The following ATG7 variants were observed in gnomAD, a reference collection of about 807,000 sequenced individuals.
ATG7 encodes autophagy related 7, also known as ubiquitin-like modifier-activating enzyme ATG7.
Under a neutral mutation model 82.4 loss-of-function variants are expected in ATG7, and 70 were observed. The ratio of observed to expected loss-of-function variants is 0.85; its 90% CI spans 0.70 to 1.04. The LOEUF (loss-of-function observed/expected upper bound fraction) is 1.04, where lower values mean the gene tolerates loss of function less well. ATG7 is among the 50% of genes least tolerant of loss of function. ATG7 has a pLI of 0.00. For missense variants in ATG7, 792 were observed against 864.3 expected (o/e 0.92, Z 1.05); for synonymous variants, 287 against 313.0 (o/e 0.92, Z 0.88).
chr3:11,541,455 GC>G (rs1653163767), intron 20 of ATG7, among the ~76,000 whole-genome samples: 2 of 152,304 alleles, frequency 1.3e-5, no homozygotes, highest in African/African-American at 4.8e-5. Flanking sequence ...GCTGCCTGAA[GC>G]TTTATAGAGT....
downstream of ATG7, chr3:11,559,385 G>A (rs928517313): frequency 2.6e-5 from 41 of 1,557,570 alleles, no homozygotes; most frequent in Admixed American, 1.7e-4. Context: ...GCCGCTGTGC[G>A]CGATGGGGCA....
At chr3:11,347,824 C>G (rs1954786868) in intron 13 of ATG7, 53 bp from the exon 14 acceptor site, 2 of 1,567,632 alleles carry the variant, frequency 1.3e-6, no homozygotes, top group East Asian at 4.6e-5. Context: ...CAAGAGACAG[C>G]ACCCTGTGAA....
intron 9 of ATG7, among the ~76,000 whole-genome samples, chr3:11,316,407 T>G (rs1426534363): frequency 6.6e-6 from 1 of 152,246 alleles, no homozygotes; most frequent in East Asian, 1.9e-4. Context: ...TTTTTCCTCG[T>G]GTTGTATCAT....
At chr3:11,446,450 C>T (rs538417273) in intron 20 of ATG7, 22 of 409,960 alleles carry the variant, frequency 5.4e-5, no homozygotes, top group African/African-American at 2.5e-4. Context: ...TAATTTAGTC[C>T]GTAGGGGAAA....
At chr3:11,409,456 G>A (rs1376073323) in intron 19 of ATG7, among the ~76,000 whole-genome samples, 1 of 152,186 alleles carries the variant, frequency 6.6e-6, no homozygotes, top group Non-Finnish European at 1.5e-5. Flanking sequence ...TAAATGTTCT[G>A]AACACGTTTA....
In ATG7 at chr3:11,372,230, CTG is replaced by C. The variant is rs537996685; in HGVS notation, c.1875+7499_1875+7500del. On this transcript the variant is annotated intron_variant, in intron 18 of 20. Coordinates refer to ENST00000693202, the MANE Select transcript of ATG7 (RefSeq NM_001349232.2). ...CAGGTAATTGGGATTCTTCTAGGCT[CTG>C]TGATTCCCAGGTGGGTTTTTTAATA... is the stretch of plus-strand genomic sequence containing the variant. Among the ~76,000 whole-genome samples, 17 of 151,176 alleles carry C rather than the reference CTG, an allele frequency of 1.1e-4. No homozygotes were observed. The South Asian group carries it at 3.4e-3, about 30-fold the overall frequency.
At chr3:11,546,991 C>T (rs532021140) in intron 20 of ATG7, among the ~76,000 whole-genome samples, 2 of 152,346 alleles carry the variant, frequency 1.3e-5, no homozygotes, top group African/African-American at 4.8e-5. Context: ...GGAGCCAGGT[C>T]AGGAGCTGGC....
chr3:11,442,595 A>G (rs1423589512), intron 20 of ATG7, among the ~76,000 whole-genome samples: 1 of 151,936 alleles, frequency 6.6e-6, no homozygotes, highest in Non-Finnish European at 1.5e-5. Flanking sequence ...TCATTGTAGA[A>G]TAACCTATTT....
At chr3:11,436,581 A>G (rs2083390691) in intron 20 of ATG7, among the ~76,000 whole-genome samples, 1 of 152,232 alleles carries the variant, frequency 6.6e-6, no homozygotes, top group Non-Finnish European at 1.5e-5. Context: ...CAGAGAAATG[A>G]AAATGTGCAC....
chr3:11,468,128 C>T (rs538977257), intron 20 of ATG7, among the ~76,000 whole-genome samples: 6 of 152,336 alleles, frequency 3.9e-5, no homozygotes, highest in East Asian at 1.9e-4. Context: ...TATAGAAGAG[C>T]GTGACTTTCA....
the ATG7 span, chr3:11,568,943 C>T: frequency 2.7e-5 from 33 of 1,217,346 alleles, 1 homozygote; most frequent in South Asian, 2.4e-4. This position sits in a 1 kb window ranked among gnomAD's most constrained non-coding sequence, Gnocchi z 5.9. Context: ...CAGCTGCCCA[C>T]GGAGAGAAAG....
At chr3:11,347,762 TTG>T in intron 13 of ATG7, 113 bp from the exon 14 acceptor site, 6 of 1,133,206 alleles carry the variant, frequency 5.3e-6, no homozygotes, top group Non-Finnish European at 7.2e-6. Flanking sequence ...CTGAAGTTTC[TTG>T]TGTTTTGAGG....
intron 20 of ATG7, among the ~76,000 whole-genome samples, chr3:11,504,691 T>A (rs2091582611): frequency 6.6e-6 from 1 of 152,196 alleles, no homozygotes; most frequent in African/African-American, 2.4e-5. Context: ...AAATTATTGA[T>A]AAGTACATAG....
intron 20 of ATG7, among the ~76,000 whole-genome samples, chr3:11,443,266 A>G (rs2084178731): frequency 6.6e-6 from 1 of 152,166 alleles, no homozygotes. Context: ...CACTCCTACT[A>G]GTCTTAAACC....
rs115527515 is a variant in ATG7, at chr3:11,525,498, C to T, written c.2080-29313C>T. ...CCTTTGCCCTTGTATGTGACAGATG[C>T]TCATTTGTTTGTTGATTAACACCTT... On this transcript the variant is annotated intron_variant, in intron 20 of 20. Coordinates refer to ENST00000693202, the MANE Select transcript of ATG7 (RefSeq NM_001349232.2). Among the ~76,000 whole-genome samples, 275 of 135,228 alleles carry T rather than the reference C, an allele frequency of 2.0e-3. 9 individuals are homozygous for T. The highest frequency in any genetic ancestry group is 7.5e-3 in the African/African-American group (262 of 35,138). 88.7% of individuals were successfully genotyped at this position (135,228 alleles called of 152,430 possible). A position where few individuals can be genotyped will look rare whatever the true frequency, so the allele number is the denominator to read the frequency against.
intron 17 of ATG7, among the ~76,000 whole-genome samples, chr3:11,363,260 GA>G (rs2076393867): frequency 6.8e-6 from 1 of 147,406 alleles, no homozygotes; most frequent in South Asian, 2.1e-4. Context: ...TTTTTTTAAC[GA>G]GACGGAATTT....
At chr3:11,416,874 T>G (rs1476887123) in intron 19 of ATG7, among the ~76,000 whole-genome samples, 3 of 152,218 alleles carry the variant, frequency 2.0e-5, no homozygotes, top group African/African-American at 7.2e-5. Flanking sequence ...TTTCCCTGCA[T>G]CTCATGAATT....
At chr3:11,528,270 G>A (rs976802194) in intron 20 of ATG7, among the ~76,000 whole-genome samples, 4 of 152,098 alleles carry the variant, frequency 2.6e-5, no homozygotes, top group African/African-American at 9.7e-5. Context: ...AATCAGCAAG[G>A]AGCAGCCCCT....
intron 20 of ATG7, among the ~76,000 whole-genome samples, chr3:11,525,175 C>T (rs987343903): frequency 2.0e-5 from 3 of 150,358 alleles, no homozygotes; most frequent in Non-Finnish European, 4.4e-5. Flanking sequence ...GGACCACAGG[C>T]GTGCACTACC....
Sources: allele counts gnomAD v4.1 joint callset (sites outside exome capture counted in the v4.1 genomes callset), GRCh38; gene constraint gnomAD v4.1.1; non-coding constraint Gnocchi (gnomAD v3.1); transcripts MANE v1.5; gene names NCBI Gene and HGNC (gene_info 2026-07-23, HGNC 2026-07-21).